Variants in NCK2 observed in about 807,000 individuals in gnomAD.
NCK2 encodes NCK adaptor protein 2, also known as cytoplasmic protein NCK2.
Under a neutral mutation model 33.9 loss-of-function variants are expected in NCK2, and 16 were observed. The ratio of observed to expected loss-of-function variants is 0.47; its 90% CI spans 0.32 to 0.72. NCK2 has a LOEUF of 0.72. NCK2 is among the 30% of genes least tolerant of loss of function. The probability of loss-of-function intolerance (pLI) is 0.03; values close to 1 mark genes in which losing one functional copy is unlikely to be tolerated. For missense variants in NCK2, 418 were observed against 537.3 expected (o/e 0.78, Z 2.19); for synonymous variants, 273 against 239.9 (o/e 1.14, Z -1.27).
In NCK2 at chr2:105,829,159, G is replaced by C. The variant is rs962577343; in HGVS notation, c.-17+12546G>C. Among the ~76,000 whole-genome samples, 83 of 151,960 alleles carry C rather than the reference G, an allele frequency of 5.5e-4. 1 individual carries two copies. The highest frequency in any genetic ancestry group is 1.9e-3 in the African/African-American group (79 of 41,358). Reference sequence around the variant, plus strand: ...AATTTCCATTTGTGATATTTGATAGGTACAAAATACGTAGGTGTCATTTAT... The same window carrying C: ...AATTTCCATTTGTGATATTTGATAGCTACAAAATACGTAGGTGTCATTTAT... On this transcript the variant is annotated intron_variant, in intron 2 of 4. Coordinates refer to ENST00000233154, the MANE Select transcript of NCK2 (RefSeq NM_003581.5).
intron 1 of NCK2, among the ~76,000 whole-genome samples, chr2:105,779,066 G>A (rs1361377290): frequency 6.6e-6 from 1 of 152,258 alleles, no homozygotes; most frequent in African/African-American, 2.4e-5. Flanking sequence ...CAGCACTTTG[G>A]GAGGCTGAGG....
chr2:105,801,644 C>T (rs933494736), intron 1 of NCK2, among the ~76,000 whole-genome samples: 4 of 151,878 alleles, frequency 2.6e-5, no homozygotes, highest in African/African-American at 9.7e-5. Context: ...TGGCTTCTTA[C>T]CTACCCTGTG....
At chr2:105,833,902 T>C (rs534417158) in intron 2 of NCK2, among the ~76,000 whole-genome samples, 1 of 152,338 alleles carries the variant, frequency 6.6e-6, no homozygotes, top group South Asian at 2.1e-4. Context: ...AATTTCTTCA[T>C]TGACTCATTG....
intron 4 of NCK2, among the ~76,000 whole-genome samples, chr2:105,884,980 C>G (rs898048620): frequency 6.6e-6 from 1 of 152,182 alleles, no homozygotes; most frequent in Admixed American, 6.5e-5. Context: ...CATTATAAAT[C>G]CTTTTATATT....
In NCK2 at chr2:105,835,413, A is replaced by ATATATATATACG. The variant is rs1676386764; in HGVS notation, c.-17+18810_-17+18811insCGTATATATATA. On this transcript the variant is annotated intron_variant, in intron 2 of 4. Coordinates refer to ENST00000233154, the MANE Select transcript of NCK2 (RefSeq NM_003581.5). Reference sequence around the variant, plus strand: ...CATATATATATATATATACGTGTATATATATATATATTTTTTTTTTGGTCA... The same window carrying ATATATATATACG: ...CATATATATATATATATACGTGTATATATATATATACGTATATATATATTTTTTTTTTGGTCA... 2.5e-5 allele frequency among the ~76,000 whole-genome samples: 2 copies of ATATATATATACG among 81,014 alleles called. 1 individual carries two copies. The highest frequency in any genetic ancestry group is 6.0e-5 in the Non-Finnish European group (2 of 33,258). 53.1% of individuals were successfully genotyped at this position (81,014 alleles called of 152,430 possible). A position where few individuals can be genotyped will look rare whatever the true frequency, so the allele number is the denominator to read the frequency against.
intron 1 of NCK2, among the ~76,000 whole-genome samples, chr2:105,800,822 G>A (rs1175274427): frequency 6.6e-6 from 1 of 152,140 alleles, no homozygotes; most frequent in Non-Finnish European, 1.5e-5. Flanking sequence ...AGGAATTGAA[G>A]CTCAACATGG....
At chr2:105,804,894 T>G (rs1448476621) in intron 1 of NCK2, among the ~76,000 whole-genome samples, 1 of 152,154 alleles carries the variant, frequency 6.6e-6, no homozygotes, top group Non-Finnish European at 1.5e-5. Context: ...GGACAAGGAT[T>G]CAATCAGGGC....
At chr2:105,767,802 C>T (rs1016936935) in intron 1 of NCK2, among the ~76,000 whole-genome samples, 2 of 152,078 alleles carry the variant, frequency 1.3e-5, no homozygotes, top group African/African-American at 2.4e-5. Flanking sequence ...GAGGAGGATA[C>T]CCATTGTCTC....
At chr2:105,876,352 G>A (rs1269346143) in intron 3 of NCK2, among the ~76,000 whole-genome samples, 2 of 152,204 alleles carry the variant, frequency 1.3e-5, no homozygotes, top group Non-Finnish European at 2.9e-5. Context: ...AACTGTCTGG[G>A]TGTTCTGCAT....
intron 1 of NCK2, among the ~76,000 whole-genome samples, chr2:105,750,323 T>A (rs949665627): frequency 3.3e-5 from 5 of 152,122 alleles, no homozygotes; most frequent in African/African-American, 1.2e-4. Flanking sequence ...TGACCTTTTT[T>A]AACCTTATTT....
chr2:105,870,011 G>A (rs115092001), intron 3 of NCK2, among the ~76,000 whole-genome samples: 1,822 of 152,188 alleles, frequency 0.012, 39 homozygotes, highest in African/African-American at 0.041. Context: ...CAGGTTCAGA[G>A]CCCTGGACAC....
intron 1 of NCK2, among the ~76,000 whole-genome samples, chr2:105,812,829 T>TTTC (rs11434432): frequency 2.7e-5 from 4 of 150,688 alleles, no homozygotes; most frequent in South Asian, 2.1e-4. Context: ...TTTTTTTTTT[T>TTTC]CCCTCCTGTG....
At chr2:105,807,215 G>C (rs1230150489) in intron 1 of NCK2, among the ~76,000 whole-genome samples, 1 of 152,202 alleles carries the variant, frequency 6.6e-6, no homozygotes, top group East Asian at 1.9e-4. Flanking sequence ...GGGTGTTACT[G>C]TCCTGTGACG....
chr2:105,788,885 G>T (rs981123511), intron 1 of NCK2, among the ~76,000 whole-genome samples: 2 of 152,202 alleles, frequency 1.3e-5, no homozygotes, highest in African/African-American at 2.4e-5. Context: ...CAGGGCAGCG[G>T]ATCTCTTATC....
intron 1 of NCK2, chr2:105,746,012 T>G (rs1218958512): frequency 6.6e-6 from 1 of 150,770 alleles, no homozygotes; most frequent in Non-Finnish European, 1.5e-5. Flanking sequence ...AGGTCTGCGG[T>G]GGATGCTAGG....
chr2:105,888,066 C>T (rs1362452144), intron 4 of NCK2, among the ~76,000 whole-genome samples: 1 of 152,126 alleles, frequency 6.6e-6, no homozygotes, highest in Non-Finnish European at 1.5e-5. Context: ...AGGGTTCTTG[C>T]ACTTAGTTGT....
chr2:105,819,092 G>A (rs955550400), intron 2 of NCK2, among the ~76,000 whole-genome samples: 6 of 152,254 alleles, frequency 3.9e-5, no homozygotes, highest in African/African-American at 1.4e-4. Context: ...GTGATTTCCA[G>A]AGCTAGCTCC....
At chr2:105,842,519 G>A (rs942423888) in intron 2 of NCK2, among the ~76,000 whole-genome samples, 6 of 151,970 alleles carry the variant, frequency 3.9e-5, no homozygotes, top group African/African-American at 1.5e-4. Flanking sequence ...TTATACATAT[G>A]CTTTATGACT....
chr2:105,789,434 C>A (rs1225616686), intron 1 of NCK2, among the ~76,000 whole-genome samples: 2 of 152,174 alleles, frequency 1.3e-5, no homozygotes, highest in African/African-American at 2.4e-5. Context: ...AGTGATCCAC[C>A]CGCCTCGGCC....
Sources: gnomAD v4.1 joint callset for allele counts (sites outside exome capture counted in the v4.1 genomes callset) on GRCh38, gnomAD v4.1.1 for gene constraint, MANE v1.5 for transcripts, NCBI Gene and HGNC (gene_info 2026-07-23, HGNC 2026-07-21) for gene names.